The following STK39 variants were observed in gnomAD, a reference collection of about 807,000 sequenced individuals.
STK39 encodes the protein STE20/SPS1-related proline-alanine-rich protein kinase.
Under a neutral mutation model 77.8 loss-of-function variants are expected in STK39, and 20 were observed. The observed-to-expected ratio is 0.26, with a 90% CI of 0.18 to 0.37. The LOEUF (loss-of-function observed/expected upper bound fraction) is 0.37, where lower values mean the gene tolerates loss of function less well. Ranked by LOEUF, STK39 falls within the 10% of genes least tolerant of loss-of-function variation. The probability of loss-of-function intolerance (pLI) is 1.00; values close to 1 mark genes in which losing one functional copy is unlikely to be tolerated. For missense variants in STK39, 479 were observed against 656.5 expected (o/e 0.73, Z 2.95); for synonymous variants, 246 against 234.1 (o/e 1.05, Z -0.47).
chr2:168,095,829 C>A (rs537221461), intron 10 of STK39, among the ~76,000 whole-genome samples: 1 of 152,122 alleles, frequency 6.6e-6, no homozygotes, highest in East Asian at 1.9e-4. Context: ...TTCCTATATA[C>A]ATAAATGTCT....
intron 16 of STK39, among the ~76,000 whole-genome samples, chr2:167,990,202 G>A (rs1028101144): frequency 3.8e-4 from 58 of 152,282 alleles, no homozygotes; most frequent in African/African-American, 1.3e-3. Flanking sequence ...GAGCAGAAAA[G>A]CCTGCAGTGG....
rs914008866 is a variant in STK39, at chr2:168,040,709, C to G, written c.1376+22791G>C. Among the ~76,000 whole-genome samples the G allele has an allele frequency of 1.5e-4, 23 of 152,140 alleles. 1 individual carries two copies. The highest frequency in any genetic ancestry group is 5.3e-4 in the African/African-American group (22 of 41,426). ...AGGAAGTAATACAAGCATATGGCAT[C>G]TTCATACCTTTAATTGACAAAATGT... On this transcript the variant is annotated intron_variant, in intron 14 of 17. Transcript: ENST00000355999.
intron 14 of STK39, among the ~76,000 whole-genome samples, chr2:168,024,504 C>T (rs953454868): frequency 2.3e-4 from 35 of 152,268 alleles, no homozygotes; most frequent in African/African-American, 7.5e-4. Flanking sequence ...ATTCTAAAAG[C>T]GCTTGAGGCT....
chr2:168,055,906 T>C (rs1027989277), intron 14 of STK39, among the ~76,000 whole-genome samples: 4 of 152,214 alleles, frequency 2.6e-5, no homozygotes, highest in Non-Finnish European at 5.9e-5. Flanking sequence ...CCACTTGGTA[T>C]TTTTCTCCTG....
intron 14 of STK39, among the ~76,000 whole-genome samples, chr2:168,046,763 C>T (rs571160927): frequency 1.3e-5 from 2 of 152,306 alleles, no homozygotes; most frequent in South Asian, 4.1e-4. Context: ...GTTCCCTCCT[C>T]AGGGAGAGGG....
intron 10 of STK39, among the ~76,000 whole-genome samples, chr2:168,084,617 C>T (rs987485759): frequency 6.6e-6 from 1 of 152,136 alleles, no homozygotes; most frequent in Non-Finnish European, 1.5e-5. Context: ...CGGAAATGCA[C>T]CTAATGAACT....
At chr2:168,100,067 AGTATCT>A (rs1301558657) in intron 10 of STK39, among the ~76,000 whole-genome samples, 28 of 152,230 alleles carry the variant, frequency 1.8e-4, no homozygotes, top group Non-Finnish European at 3.5e-4. Flanking sequence ...TGGGCTAATA[AGTATCT>A]CAAAAGTCAA....
chr2:168,221,814 C>T (rs1463144695), intron 1 of STK39, among the ~76,000 whole-genome samples: 1 of 149,256 alleles, frequency 6.7e-6, no homozygotes, highest in East Asian at 1.9e-4. Flanking sequence ...CAACAAAGAC[C>T]GAATAAAGAG....
At chr2:168,155,334 A>C (rs1440873979) in intron 5 of STK39, among the ~76,000 whole-genome samples, 1 of 152,232 alleles carries the variant, frequency 6.6e-6, no homozygotes, top group African/African-American at 2.4e-5. Context: ...CTCAGTTTCC[A>C]GAACTGAGTA....
chr2:167,994,424 T>G (rs1311852813), intron 16 of STK39, among the ~76,000 whole-genome samples: 3 of 152,032 alleles, frequency 2.0e-5, no homozygotes, highest in Admixed American at 1.3e-4. Context: ...GAATTTGTTT[T>G]TTGTGTGTGT....
intron 10 of STK39, among the ~76,000 whole-genome samples, chr2:168,097,690 T>C (rs1686706421): frequency 6.6e-6 from 1 of 151,696 alleles, no homozygotes; most frequent in South Asian, 2.1e-4. Context: ...GCTATGATCA[T>C]GCCACTGCAT....
chr2:168,072,729 G>C (rs1209925573), intron 12 of STK39, among the ~76,000 whole-genome samples: 1 of 152,112 alleles, frequency 6.6e-6, no homozygotes. Flanking sequence ...AATACTTCAT[G>C]CTTTGCTTAC....
At chr2:167,996,892 G>C (rs757349583) in intron 16 of STK39, among the ~76,000 whole-genome samples, 7 of 151,730 alleles carry the variant, frequency 4.6e-5, no homozygotes, top group Non-Finnish European at 8.8e-5. Flanking sequence ...TTTCTCTCTC[G>C]GACTCTCCTC....
At chr2:168,217,690 T>C (rs1259093002) in intron 1 of STK39, among the ~76,000 whole-genome samples, 1 of 152,208 alleles carries the variant, frequency 6.6e-6, no homozygotes, top group Non-Finnish European at 1.5e-5. Context: ...TAAGACAAAG[T>C]AAATGCTATG....
At chr2:168,027,602 ACACGTACATG>A (rs1684731924) in intron 14 of STK39, among the ~76,000 whole-genome samples, 1 of 152,240 alleles carries the variant, frequency 6.6e-6, no homozygotes, top group Non-Finnish European at 1.5e-5. Context: ...GTATGTACAC[ACACGTACATG>A]CACACGTGTG....
intron 14 of STK39, among the ~76,000 whole-genome samples, chr2:168,060,011 T>C (rs546265198): frequency 6.6e-6 from 1 of 152,178 alleles, no homozygotes; most frequent in Non-Finnish European, 1.5e-5. Context: ...ATTTATAGAA[T>C]GAATGAATGT....
intron 10 of STK39, among the ~76,000 whole-genome samples, chr2:168,097,569 C>G (rs1258165029): frequency 6.6e-6 from 1 of 152,092 alleles, no homozygotes; most frequent in Non-Finnish European, 1.5e-5. Flanking sequence ...CCCCCACACC[C>G]CATCCCACAC....
intron 16 of STK39, among the ~76,000 whole-genome samples, chr2:167,977,132 G>C (rs981044138): frequency 6.6e-6 from 1 of 152,160 alleles, no homozygotes; most frequent in African/African-American, 2.4e-5. Context: ...TTTGGTCCTA[G>C]TGCAAATGTC....
At chr2:168,043,021 T>A (rs921427526) in intron 14 of STK39, among the ~76,000 whole-genome samples, 1 of 152,162 alleles carries the variant, frequency 6.6e-6, no homozygotes, top group Non-Finnish European at 1.5e-5. Context: ...ACAGGCTTAA[T>A]CTGAGTTTTT....
Sources: gnomAD v4.1 joint callset for allele counts (sites outside exome capture counted in the v4.1 genomes callset) on GRCh38, gnomAD v4.1.1 for gene constraint, MANE v1.5 for transcripts, NCBI Gene and HGNC (gene_info 2026-07-23, HGNC 2026-07-21) for gene names.